Variants in NCAPD3 observed in about 807,000 individuals in gnomAD.
NCAPD3 encodes the protein non-SMC condensin II complex subunit D3, also known as condensin-2 complex subunit D3.
NCAPD3 carries 105 observed loss-of-function variants against 182.9 expected under a neutral mutation model. The observed-to-expected ratio is 0.57, with a 90% CI of 0.49 to 0.68. NCAPD3 has a LOEUF of 0.68. NCAPD3 is among the 30% of genes least tolerant of loss of function. The pLI is 0.00. For missense variants in NCAPD3, 1,944 were observed against 1,837.0 expected (o/e 1.06, Z -1.07); for synonymous variants, 815 against 679.9 (o/e 1.20, Z -3.09).
chr11:134,182,828 G>A (rs1412367436), intron 19 of NCAPD3, among the ~76,000 whole-genome samples: 1 of 152,224 alleles, frequency 6.6e-6, no homozygotes, highest in African/African-American at 2.4e-5. Context: ...GAAAAGAAAA[G>A]GAGAAGCGTG....
chr11:134,215,595 A>G (rs940105331), intron 3 of NCAPD3, among the ~76,000 whole-genome samples: 1 of 152,240 alleles, frequency 6.6e-6, no homozygotes, highest in Admixed American at 6.5e-5. Flanking sequence ...GGGGAGATGC[A>G]AGAGTTGCGC....
rs750970577 is a variant in NCAPD3 at position 134,194,712 on chromosome 11, T to C, written c.1642A>G (p.Arg548Gly). ...TTGGTCTTCTCATCCCTGATCCTCC[T>C]TCTCAGCATTGCCATGACACATCTT... ...GERCVMAMLR[R>G]RIRDEKTNVR... is the part of the protein sequence containing the mutation. Residue 548 changes from arginine (R) to glycine (G), a missense_variant, in exon 14 of 35, where the codon AGG becomes GGG. Arg to Gly is a moderately radical substitution (Grantham distance 125). Around this residue, in one of 3 missense-constraint regions of NCAPD3, gnomAD observed 1,803 missense variants for 1,674.6 expected, o/e 1.08. Transcript: ENST00000534548. 2 of 1,610,042 alleles carry C rather than the reference T, an allele frequency of 1.2e-6. No homozygotes were observed. Among genetic ancestry groups the C allele is most frequent in the Non-Finnish European group, 1.7e-6 (2 of 1,178,056 alleles).
intron 30 of NCAPD3, 107 bp downstream of exon 30, chr11:134,158,222 C>A: frequency 6.5e-7 from 1 of 1,535,522 alleles, no homozygotes; most frequent in East Asian, 2.3e-5. Flanking sequence ...GGTGGCAGGC[C>A]AGACAATGAC....
rs1944810458 is a variant in NCAPD3 at position 134,204,448 on chromosome 11, AT to A, written c.1090-278del. On this transcript the variant is annotated intron_variant, in intron 9 of 34. Transcript: ENST00000534548. This position sits in a 1 kb window ranked among gnomAD's most constrained non-coding sequence, Gnocchi z 4.3. ...TTTCATAAGGTTCAAATTAAGAATC[AT>A]TTGTCTAAATGGTTATAAAAATGTA... Among the ~76,000 whole-genome samples the A allele has an allele frequency of 6.6e-6, 1 of 152,242 alleles. No homozygotes were observed. The highest frequency in any genetic ancestry group is 1.5e-5 in the Non-Finnish European group (1 of 68,044).
At chr11:134,212,778 A>G (rs950902525) in intron 3 of NCAPD3, among the ~76,000 whole-genome samples, 1 of 152,234 alleles carries the variant, frequency 6.6e-6, no homozygotes, top group Non-Finnish European at 1.5e-5. Context: ...AGAAGTGCCT[A>G]CTGCATACAC....
At chr11:134,162,062 T>A (rs967289880) in intron 27 of NCAPD3, among the ~76,000 whole-genome samples, 171 bp from the exon 28 acceptor site, 1 of 152,234 alleles carries the variant, frequency 6.6e-6, no homozygotes, top group African/African-American at 2.4e-5. Context: ...GGAGACTTTG[T>A]AAGCATTACC....
intron 31 of NCAPD3, among the ~76,000 whole-genome samples, chr11:134,157,375 TTGAC>T (rs1281738609): frequency 2.0e-5 from 3 of 152,212 alleles, no homozygotes; most frequent in African/African-American, 7.2e-5. Flanking sequence ...TCCATGGCCT[TTGAC>T]TGCTGGGAAT....
chr11:134,154,570 C>CGCCCCTCCTGGGTGGTGCAGCCTT (rs1943365005), intron 32 of NCAPD3, among the ~76,000 whole-genome samples: 1 of 43,482 alleles, frequency 2.3e-5, no homozygotes, highest in East Asian at 1.1e-3. Flanking sequence ...GGTGCAGCCT[C>CGCCCCTCCTGGGTGGTGCAGCCTT]GCCCCTCCTG....
chr11:134,209,675 C>T (rs1937754606), intron 4 of NCAPD3, 198 bp from the exon 5 acceptor site: 3 of 512,684 alleles, frequency 5.9e-6, no homozygotes, highest in East Asian at 6.3e-5. Context: ...ATGACCGCTA[C>T]AGTAGTTTCT....
At chr11:134,168,692 A>G (rs1591830999) in intron 25 of NCAPD3, 90 bp from the exon 26 acceptor site, 3 of 1,555,736 alleles carry the variant, frequency 1.9e-6, no homozygotes, top group Non-Finnish European at 2.6e-6. Context: ...TAAAAGCTGC[A>G]TGCCAAAGAC....
intron 15 of NCAPD3, 114 bp downstream of exon 15, chr11:134,193,902 G>A (rs1944572996): frequency 9.5e-7 from 1 of 1,047,328 alleles, no homozygotes; most frequent in South Asian, 1.6e-5. Flanking sequence ...TTCTACAGTG[G>A]ACTTAGTAGA....
At position 134,178,746 on chromosome 11, in the gene NCAPD3, A is replaced by T; in HGVS notation, c.2675-5T>A. The T allele has an allele frequency of 6.2e-7, 1 of 1,609,168 alleles. No individual in the cohort carries two copies. On this transcript the variant is annotated splice_polypyrimidine_tract_variant and splice_region_variant and intron_variant, in intron 21 of 34. Transcript: ENST00000534548. ...TGCTGCCTTGAGATGATGGTGCTGC[A>T]AAGAAGGGAGAGAAAGTTACCGACA...
intron 19 of NCAPD3, 22 bp downstream of exon 19, chr11:134,184,615 G>T (rs2135985097): frequency 1.3e-6 from 2 of 1,517,390 alleles, no homozygotes; most frequent in African/African-American, 1.4e-5. Context: ...TCAGAAACAT[G>T]TCAGGGAAAG....
chr11:134,161,963 C>A, intron 27 of NCAPD3, 72 bp from the exon 28 acceptor site: 1 of 769,746 alleles, frequency 1.3e-6, no homozygotes, highest in African/African-American at 1.8e-5. Context: ...TGATCTAGTT[C>A]TTTGAGTAGA....
At chr11:134,183,148 C>T (rs1944331935) in intron 19 of NCAPD3, 2 of 456,176 alleles carry the variant, frequency 4.4e-6, no homozygotes, top group Non-Finnish European at 4.4e-6. Flanking sequence ...CTTTTTCCAA[C>T]CAGTGCTGGT....
At chr11:134,209,503 G>A (rs1165034507) in intron 4 of NCAPD3, 26 bp from the exon 5 acceptor site, 1 of 1,585,634 alleles carries the variant, frequency 6.3e-7, no homozygotes, top group Admixed American at 1.8e-5. Flanking sequence ...ATGTACAGGT[G>A]ACTGTAATAA....
At chr11:134,177,524 C>G (rs988177090) in intron 22 of NCAPD3, 67 bp from the exon 23 acceptor site, 1 of 1,399,972 alleles carries the variant, frequency 7.1e-7, no homozygotes, top group Non-Finnish European at 1.0e-6. Flanking sequence ...TAAATTTTCT[C>G]CAGATACATC....
At chr11:134,220,187 C>CT (rs916853203) in intron 2 of NCAPD3, among the ~76,000 whole-genome samples, 35 of 145,770 alleles carry the variant, frequency 2.4e-4, no homozygotes, top group African/African-American at 2.5e-4. Flanking sequence ...TATATTTTTC[C>CT]TTTTTTTTTT....
In NCAPD3 at chr11:134,168,532, G is replaced by C. The variant is rs1943925227; in HGVS notation, c.3310C>G (p.Leu1104Val). The C allele has an allele frequency of 1.9e-6, 3 of 1,614,196 alleles. No homozygotes were observed. The highest frequency in any genetic ancestry group is 2.5e-6 in the Non-Finnish European group (3 of 1,180,022). Residue 1104 changes from leucine to valine, a missense_variant, in exon 26 of 35, where the codon CTA (leucine) becomes GTA (valine). Leu to Val is a conservative substitution (Grantham distance 32). This residue lies in a region of NCAPD3 where 1,803 missense variants were observed against 1,674.6 expected (regional missense o/e 1.08). Transcript: ENST00000534548. ...CGCTGTTCATCTGTGAAGTGCTCTA[G>C]AAGAAATTTGTAGATTTTCATTCGT... is the stretch of plus-strand genomic sequence containing the variant. Reference protein sequence around the residue: ...ERRMKIYKFLLEHFTDEQRFN... With the variant: ...ERRMKIYKFLVEHFTDEQRFN...
Sources: allele counts gnomAD v4.1 joint callset (sites outside exome capture counted in the v4.1 genomes callset), GRCh38; gene constraint gnomAD v4.1.1; regional missense constraint gnomAD v4.1.1; non-coding constraint Gnocchi (gnomAD v3.1); transcripts MANE v1.5; gene names NCBI Gene and HGNC (gene_info 2026-07-23, HGNC 2026-07-21).